Variants in DYSF observed in about 807,000 individuals in gnomAD.
The protein encoded by DYSF is dysferlin, also known as dystrophy-associated fer-1-like 1.
In DYSF, 212 loss-of-function variants were observed where a neutral mutation model predicts 274.9. The observed-to-expected ratio is 0.77, with a 90% CI of 0.69 to 0.86. The LOEUF (loss-of-function observed/expected upper bound fraction) is 0.86. DYSF is among the 40% of genes least tolerant of loss of function. The pLI is 0.00. For synonymous variants in DYSF, 1,091 were observed against 1,078.7 expected (o/e 1.01, Z -0.22); for missense variants, 2,666 against 2,783.2 (o/e 0.96, Z 0.95).
intron 22 of DYSF, among the ~76,000 whole-genome samples, chr2:71,560,361 T>A (rs2091647013): frequency 7.4e-6 from 1 of 135,804 alleles, no homozygotes; most frequent in South Asian, 2.2e-4. Flanking sequence ...TCCCTATCCC[T>A]CTCCAGACCC....
intron 3 of DYSF, among the ~76,000 whole-genome samples, chr2:71,485,153 T>G (rs1276265784): frequency 1.3e-5 from 2 of 152,218 alleles, no homozygotes; most frequent in Admixed American, 1.3e-4. Context: ...TTCTAGCAAT[T>G]AAAACTTGTC....
At chr2:71,524,770 C>T (rs991099588) in intron 12 of DYSF, among the ~76,000 whole-genome samples, 4 of 152,254 alleles carry the variant, frequency 2.6e-5, no homozygotes, top group African/African-American at 9.6e-5. Context: ...GATGCCTCCA[C>T]CTGTTGCTCA....
At chr2:71,561,183 T>A (rs2091729902) in intron 22 of DYSF, among the ~76,000 whole-genome samples, 1 of 151,404 alleles carries the variant, frequency 6.6e-6, no homozygotes, top group Non-Finnish European at 1.5e-5. Flanking sequence ...CAAAGCAGAG[T>A]GTTCTGGGAA....
At chr2:71,552,957 T>C (rs2152790428) in intron 19 of DYSF, 54 bp from the exon 20 acceptor site, 1 of 1,599,654 alleles carries the variant, frequency 6.3e-7, no homozygotes, top group Non-Finnish European at 8.6e-7. Flanking sequence ...CTCCCCAGCC[T>C]GGGTGCCTTT....
rs137959937 is a variant in DYSF, at chr2:71,675,995, T to G, written c.5884+1699T>G. Among the ~76,000 whole-genome samples the G allele has an allele frequency of 2.3e-3, 344 of 152,300 alleles. 1 individual carries two copies. Among genetic ancestry groups the G allele is most frequent in the Middle Eastern group, 0.017 (5 of 294 alleles). On this transcript the variant is annotated intron_variant, in intron 52 of 55. Transcript: ENST00000410020. ...CCTTTCTGGTCAGTAGGTATCGATCTGCATTTATATCTCCATCATCACACT... is the reference window on the plus strand; with the variant it reads ...CCTTTCTGGTCAGTAGGTATCGATCGGCATTTATATCTCCATCATCACACT...
intron 40 of DYSF, among the ~76,000 whole-genome samples, chr2:71,617,882 G>A (rs2093939145): frequency 7.9e-6 from 1 of 127,342 alleles, no homozygotes; most frequent in Non-Finnish European, 1.7e-5. Context: ...GAGGTGGGGT[G>A]TGTGTGGTAG....
rs780432395 is a variant in DYSF at position 71,656,189 on chromosome 2, G to A, written c.4654G>A (p.Glu1552Lys). The change falls in exon 43 of 56, where the codon GAG becomes AAG. Residue 1552 changes from glutamate (E) to lysine (K), a missense_variant. This residue lies in a region of DYSF where 1,460 missense variants were observed against 1,502.1 expected (regional missense o/e 0.97). Coordinates refer to ENST00000410020, the MANE Select transcript of DYSF (RefSeq NM_001130987.2). ...KVYDTQLENV[E>K]AFEGLSDFCN... ...CTATGACACACAGCTGGAGAATGTG[G>A]AGGCCTTTGAGGGCCTGTCTGACTT... 3.1e-6 allele frequency: 5 copies of A among 1,614,080 alleles called. No individual in the cohort carries two copies. The highest frequency in any genetic ancestry group is 1.3e-5 in the African/African-American group (1 of 74,928).
intron 32 of DYSF, among the ~76,000 whole-genome samples, chr2:71,593,741 A>G (rs2093336269): frequency 6.6e-6 from 1 of 152,200 alleles, no homozygotes; most frequent in East Asian, 1.9e-4. Flanking sequence ...TGGAGGGATC[A>G]TAAGCTCTGC....
chr2:71,491,427 T>A (rs2083845889), intron 3 of DYSF, among the ~76,000 whole-genome samples: 1 of 152,218 alleles, frequency 6.6e-6, no homozygotes, highest in African/African-American at 2.4e-5. Context: ...TTGTTTTAAA[T>A]TTTTAAGTTC....
intron 3 of DYSF, among the ~76,000 whole-genome samples, chr2:71,498,606 C>G (rs1346441159): frequency 6.6e-6 from 1 of 152,206 alleles, no homozygotes; most frequent in Non-Finnish European, 1.5e-5. Context: ...AGTCATAATT[C>G]CTAAGCTTGT....
At position 71,685,470 on chromosome 2, in the gene DYSF, G is replaced by C. The variant is rs575503941; in HGVS notation, c.6322-984G>C. On this transcript the variant is annotated intron_variant, in intron 55 of 55. Transcript: ENST00000410020. ...TTCCACCCAAGTCACTCATTCATTT[G>C]GCCAGTACCAGATGATGAGGGCCGG... 1.2e-4 allele frequency among the ~76,000 whole-genome samples: 18 copies of C among 152,328 alleles called. No individual in the cohort carries two copies. The East Asian group carries it at 3.1e-3, about 26-fold the overall frequency.
intron 4 of DYSF, among the ~76,000 whole-genome samples, chr2:71,504,455 C>T (rs942437315): frequency 2.0e-5 from 3 of 152,308 alleles, no homozygotes; most frequent in Middle Eastern, 3.4e-3. Context: ...CTGAGCCTGT[C>T]TCCATCACCC....
Position 71,507,275 on chromosome 2 carries a change from A to G in DYSF, c.345+3956A>G, listed in dbSNP as rs577292012. ...GCGCTCTTCCAGGGGACCTGTTTCCAAGGTCAGAGGCCCAAGGGCAGCCCA... is the reference window on the plus strand; with the variant it reads ...GCGCTCTTCCAGGGGACCTGTTTCCGAGGTCAGAGGCCCAAGGGCAGCCCA... On this transcript the variant is annotated intron_variant, in intron 4 of 55. Coordinates refer to ENST00000410020, the MANE Select transcript of DYSF (RefSeq NM_001130987.2). 3.9e-5 allele frequency among the ~76,000 whole-genome samples: 6 copies of G among 152,292 alleles called. No homozygotes were observed. In the East Asian group the frequency reaches 1.2e-3, roughly 29 times the overall value.
At chr2:71,599,554 G>T (rs2093491879) in intron 33 of DYSF, among the ~76,000 whole-genome samples, 1 of 152,154 alleles carries the variant, frequency 6.6e-6, no homozygotes, top group African/African-American at 2.4e-5. Context: ...GGGTGTCAGT[G>T]CGAGGCAGAG....
intron 1 of DYSF, among the ~76,000 whole-genome samples, chr2:71,461,193 A>G (rs1558915579): frequency 6.6e-6 from 1 of 152,158 alleles, no homozygotes; most frequent in Non-Finnish European, 1.5e-5. Context: ...CTAGCTAGAC[A>G]CGAAACGGGT....
At chr2:71,646,478 G>T (rs1454102998) in intron 42 of DYSF, among the ~76,000 whole-genome samples, 2 of 152,204 alleles carry the variant, frequency 1.3e-5, no homozygotes, top group Non-Finnish European at 2.9e-5. Context: ...TGGAAGGAAC[G>T]CTGGTTCTTT....
chr2:71,539,306 T>TA (rs1035801871), intron 17 of DYSF, 67 bp downstream of exon 17: 1 of 1,389,888 alleles, frequency 7.2e-7, no homozygotes, highest in African/African-American at 1.4e-5. Flanking sequence ...CTATCCAGCT[T>TA]ACACTTCTAG....
At chr2:71,673,716 TC>T (rs758479218) in intron 51 of DYSF, among the ~76,000 whole-genome samples, 31 of 152,162 alleles carry the variant, frequency 2.0e-4, no homozygotes, top group Non-Finnish European at 2.8e-4. Context: ...GCTTGCCACT[TC>T]CTAGCTATGT....
At chr2:71,669,457 A>G (rs967564815) in intron 50 of DYSF, 148 bp from the exon 51 acceptor site, 1 of 1,054,196 alleles carries the variant, frequency 9.5e-7, no homozygotes, top group African/African-American at 1.6e-5. Context: ...AATTTATGGC[A>G]CATTTTGTAC....
Sources: gnomAD v4.1 joint callset for allele counts (sites outside exome capture counted in the v4.1 genomes callset) on GRCh38, gnomAD v4.1.1 for gene constraint, gnomAD v4.1.1 regional missense constraint, MANE v1.5 for transcripts, NCBI Gene and HGNC (gene_info 2026-07-23, HGNC 2026-07-21) for gene names.